Variants in DRG1 observed in about 807,000 individuals in gnomAD.
The protein encoded by DRG1 is developmentally regulated GTP binding protein 1.
In DRG1, 19 loss-of-function variants were observed where a neutral mutation model predicts 38.8. That is an observed-to-expected ratio of 0.49 (90% CI 0.34 to 0.72). The LOEUF (loss-of-function observed/expected upper bound fraction) is 0.72, where lower values mean the gene tolerates loss of function less well. DRG1 is among the 30% of genes least tolerant of loss of function. The probability of loss-of-function intolerance (pLI) is 0.01; values close to 1 mark genes in which losing one functional copy is unlikely to be tolerated. For missense variants in DRG1, 299 were observed against 444.8 expected (o/e 0.67, Z 2.95); for synonymous variants, 167 against 157.5 (o/e 1.06, Z -0.45).
In DRG1 at chr22:31,412,511, C is replaced by T. The variant is rs192068555; in HGVS notation, c.412+1430C>T. The stretch of plus-strand genomic sequence containing the variant: ...GACTACAGGCGCCCGCCACCATGCA[C>T]GGCTATTTTTTGTATTTTTAGTAAA... On this transcript the variant is annotated intron_variant, in intron 4 of 8. Transcript: ENST00000331457. 4.3e-3 allele frequency among the ~76,000 whole-genome samples: 646 copies of T among 151,008 alleles called. 3 individuals carry two copies. Among genetic ancestry groups the T allele is most frequent in the Middle Eastern group, 0.01 (3 of 294 alleles).
intron 4 of DRG1, among the ~76,000 whole-genome samples, chr22:31,412,502 C>T (rs1426706260): frequency 6.6e-6 from 1 of 151,056 alleles, no homozygotes; most frequent in East Asian, 2.0e-4. Flanking sequence ...AGGCGCCCGC[C>T]ACCATGCACG....
Position 31,434,218 on chromosome 22 carries a change from G to A in DRG1, c.*247G>A, listed in dbSNP as rs1435686575. ...GTGTCATTGTCAGAATTTGTTTTGG[G>A]ATGGGCTGAATGAGGAAGGGTATAT... On this transcript the variant is annotated 3_prime_UTR_variant, in exon 9 of 9. Transcript: ENST00000331457. The A allele has an allele frequency of 2.8e-5, 13 of 461,574 alleles. No homozygotes were observed. The highest frequency in any genetic ancestry group is 4.8e-5 in the Non-Finnish European group (12 of 250,084). 28.6% of individuals were successfully genotyped at this position (461,574 alleles called of 1,614,324 possible). A position where few individuals can be genotyped will look rare whatever the true frequency, so the allele number is the denominator to read the frequency against.
chr22:31,416,569 A>G (rs1232210831), intron 4 of DRG1, among the ~76,000 whole-genome samples: 1 of 152,152 alleles, frequency 6.6e-6, no homozygotes. Context: ...AGCCTGGCCA[A>G]CGTGGTGAAA....
rs547582545 is a variant in DRG1, at chr22:31,418,712, C to T, written c.413-1544C>T. Among the ~76,000 whole-genome samples the T allele has an allele frequency of 4.6e-5, 7 of 152,016 alleles. No homozygotes were observed. The South Asian group carries it at 1.0e-3, about 23-fold the overall frequency. On this transcript the variant is annotated intron_variant, in intron 4 of 8. Coordinates refer to ENST00000331457, the MANE Select transcript of DRG1 (RefSeq NM_004147.4). ...TTATTTATTTTTGTAGATGGATTCT[C>T]GCTCTGTTGCCCAGGCTGGAGTGCA... is the stretch of plus-strand genomic sequence containing the variant.
chr22:31,433,748 C>A, intron 8 of DRG1, 124 bp from the exon 9 acceptor site: 2 of 739,498 alleles, frequency 2.7e-6, no homozygotes. Context: ...GAAGATAAAG[C>A]TTTTGTAGGT....
intron 4 of DRG1, among the ~76,000 whole-genome samples, chr22:31,414,796 T>TA (rs138649920): frequency 0.053 from 8,020 of 151,060 alleles, 715 homozygotes; most frequent in African/African-American, 0.18. Context: ...TTTTTTTTTT[T>TA]AGAGATAGGA....
rs914920726 is a variant in DRG1, at chr22:31,402,972, G to A, written c.167-57G>A. 5.9e-6 allele frequency: 9 copies of A among 1,529,372 alleles called. No individual in the cohort carries two copies. In the South Asian group the frequency reaches 8.9e-5, roughly 15 times the overall value. 94.7% of individuals were successfully genotyped at this position (1,529,372 alleles called of 1,614,324 possible). On this transcript the variant is annotated intron_variant, in intron 2 of 8. Coordinates refer to ENST00000331457, the MANE Select transcript of DRG1 (RefSeq NM_004147.4). ...AGTAAAAATGTGAAAGAAGTTATAT[G>A]AGTCTTAACACTCTGGGGGATAACT... is the stretch of plus-strand genomic sequence containing the variant.
chr22:31,431,018 T>TCC (rs1491207511), intron 8 of DRG1, among the ~76,000 whole-genome samples: 1 of 33,702 alleles, frequency 3.0e-5, no homozygotes, highest in African/African-American at 1.3e-4. Context: ...GCACCCGGCC[T>TCC]TCCCCCCCCC....
At chr22:31,432,041 T>C (rs5753615) in intron 8 of DRG1, among the ~76,000 whole-genome samples, 33,791 of 149,006 alleles carry the variant, frequency 0.23, 4,870 homozygotes, top group East Asian at 0.46. Flanking sequence ...CTTATTTTAC[T>C]GTTTTTTTTT....
intron 1 of DRG1, 72 bp downstream of exon 1, chr22:31,399,797 C>T: frequency 6.2e-7 from 1 of 1,608,422 alleles, no homozygotes; most frequent in African/African-American, 1.3e-5. Flanking sequence ...CCTTCCTGTT[C>T]TCCTTTGAGC....
At chr22:31,401,743 G>A (rs1167644345) in intron 2 of DRG1, among the ~76,000 whole-genome samples, 1 of 151,804 alleles carries the variant, frequency 6.6e-6, no homozygotes, top group African/African-American at 2.4e-5. Flanking sequence ...GTGATAGAGC[G>A]AGATCTCATC....
intron 8 of DRG1, among the ~76,000 whole-genome samples, chr22:31,430,410 CTTTTT>C (rs2050132411): frequency 9.4e-6 from 1 of 105,838 alleles, no homozygotes. Flanking sequence ...TTTTTTTTTT[CTTTTT>C]TTGAGATGGA....
intron 8 of DRG1, among the ~76,000 whole-genome samples, chr22:31,433,445 A>G (rs2050152646): frequency 6.6e-6 from 1 of 151,730 alleles, no homozygotes; most frequent in African/African-American, 2.4e-5. Context: ...TAATTTTTGT[A>G]TTTTTAGTGG....
At chr22:31,430,201 G>A (rs1416357368) in intron 8 of DRG1, among the ~76,000 whole-genome samples, 1 of 152,144 alleles carries the variant, frequency 6.6e-6, no homozygotes, top group Non-Finnish European at 1.5e-5. Flanking sequence ...TAGCAAGTAG[G>A]TTATCATTGC....
rs139691447 is a variant in DRG1, at chr22:31,430,955, C to T, written c.1005-2917C>T. Among the ~76,000 whole-genome samples, 443 of 146,244 alleles carry T rather than the reference C, an allele frequency of 3.0e-3. 1 individual carries two copies. Among genetic ancestry groups the T allele is most frequent in the Non-Finnish European group, 5.3e-3 (355 of 67,116 alleles). On this transcript the variant is annotated intron_variant, in intron 8 of 8. Coordinates refer to ENST00000331457, the MANE Select transcript of DRG1 (RefSeq NM_004147.4). ...CTGGTCTCGAACTCCTGGGTTCAAG[C>T]GATTCTCCTGCTTTGGCTTCCCAAA...
chr22:31,428,733 A>G (rs1031628456), intron 8 of DRG1, among the ~76,000 whole-genome samples: 2 of 152,178 alleles, frequency 1.3e-5, no homozygotes, highest in Non-Finnish European at 1.5e-5. Context: ...GTCTACCAGT[A>G]ATATTTCCTT....
At chr22:31,431,534 A>G (rs1353368525) in intron 8 of DRG1, among the ~76,000 whole-genome samples, 2 of 152,084 alleles carry the variant, frequency 1.3e-5, no homozygotes, top group East Asian at 3.9e-4. Flanking sequence ...ACATGGTACC[A>G]GGCACCTGTG....
At chr22:31,403,524 G>T (rs1215463942) in intron 3 of DRG1, among the ~76,000 whole-genome samples, 1 of 151,990 alleles carries the variant, frequency 6.6e-6, no homozygotes, top group South Asian at 2.1e-4. Flanking sequence ...AAAATTAGCC[G>T]GGTGTAGTGG....
intron 5 of DRG1, among the ~76,000 whole-genome samples, chr22:31,422,239 C>G (rs544098169): frequency 6.6e-6 from 1 of 152,252 alleles, no homozygotes; most frequent in Admixed American, 6.5e-5. Context: ...GGAGGCCAGC[C>G]TGACCAACAT....
Sources: allele counts gnomAD v4.1 joint callset (sites outside exome capture counted in the v4.1 genomes callset), GRCh38; gene constraint gnomAD v4.1.1; transcripts MANE v1.5; gene names NCBI Gene and HGNC (gene_info 2026-07-23, HGNC 2026-07-21).